GRIA1: variants seen among roughly 807,000 people sequenced by gnomAD.
GRIA1 encodes the protein glutamate receptor 1.
GRIA1 carries 31 observed loss-of-function variants against 99.2 expected under a neutral mutation model. The ratio of observed to expected loss-of-function variants is 0.31; its 90% CI spans 0.23 to 0.42. GRIA1 has a LOEUF of 0.42. Ranked by LOEUF, GRIA1 falls within the 10% of genes least tolerant of loss-of-function variation. The probability of loss-of-function intolerance (pLI) is 1.00; values close to 1 mark genes in which losing one functional copy is unlikely to be tolerated. For synonymous variants in GRIA1, 438 were observed against 432.4 expected, an observed-to-expected ratio of 1.01 and a Z score of -0.16; for missense variants, 782 against 1,157.5, an observed-to-expected ratio of 0.68 and a Z score of 4.71.
In GRIA1 at chr5:153,811,248, G is replaced by A. The variant is rs767220209; in HGVS notation, c.*23G>A. 1.3e-6 allele frequency: 2 copies of A among 1,594,862 alleles called. No homozygotes were observed. The highest frequency in any genetic ancestry group is 3.3e-5 in the Admixed American group (2 of 59,906). On this transcript the variant is annotated 3_prime_UTR_variant, in exon 16 of 16. Coordinates refer to ENST00000285900, the MANE Select transcript of GRIA1 (RefSeq NM_000827.4). ...TAACTGGAGCAGATGGAGACCCCTTGGGGAGCAGGCTCGGGCTCCCCAGCC... is the reference window on the plus strand; with the variant it reads ...TAACTGGAGCAGATGGAGACCCCTTAGGGAGCAGGCTCGGGCTCCCCAGCC...
At chr5:153,752,546 G>A (rs1446580710) in intron 11 of GRIA1, among the ~76,000 whole-genome samples, 2 of 152,288 alleles carry the variant, frequency 1.3e-5, no homozygotes, top group East Asian at 3.9e-4. Context: ...AATCCATGGT[G>A]TCTAACATTA....
chr5:153,492,426 C>A (rs1754010287), intron 1 of GRIA1: 2 of 986,846 alleles, frequency 2.0e-6, no homozygotes, highest in Non-Finnish European at 1.4e-6. Context: ...CTTTCTCTTT[C>A]ATTCATTGCA....
chr5:153,531,417 C>A (rs1480303406), intron 2 of GRIA1, among the ~76,000 whole-genome samples: 1 of 152,116 alleles, frequency 6.6e-6, no homozygotes, highest in Admixed American at 6.5e-5. Flanking sequence ...AAGTCCAACC[C>A]CAAACCTCTC....
At chr5:153,595,030 C>T (rs917805802) in intron 2 of GRIA1, among the ~76,000 whole-genome samples, 5 of 152,132 alleles carry the variant, frequency 3.3e-5, no homozygotes, top group Non-Finnish European at 7.4e-5. Context: ...CTTCACCTTG[C>T]TAAGTCAGTT....
chr5:153,718,840 T>G (rs1394890186), intron 11 of GRIA1, among the ~76,000 whole-genome samples: 1 of 152,168 alleles, frequency 6.6e-6, no homozygotes, highest in African/African-American at 2.4e-5. Flanking sequence ...CAGAGGCTAT[T>G]TCCAGCAGGA....
chr5:153,656,446 A>C (rs1581413881), intron 5 of GRIA1, among the ~76,000 whole-genome samples: 2 of 144,198 alleles, frequency 1.4e-5, no homozygotes, highest in Middle Eastern at 7.6e-3. Context: ...CATTGTATTG[A>C]GTGCTACTGT....
intron 11 of GRIA1, among the ~76,000 whole-genome samples, chr5:153,742,129 G>A (rs1275112529): frequency 3.9e-5 from 6 of 152,122 alleles, no homozygotes; most frequent in Non-Finnish European, 5.9e-5. Flanking sequence ...TGTTGCTTTA[G>A]AAGAGATTGC....
intron 15 of GRIA1, among the ~76,000 whole-genome samples, chr5:153,804,737 ATTTATTTATTT>A (rs1561874930): frequency 1.9e-4 from 7 of 37,738 alleles, no homozygotes; most frequent in East Asian, 3.2e-3. Context: ...TAATTAATTT[ATTTATTTATTT>A]ATTTATTTAT....
chr5:153,770,820 T>C (rs952813623), intron 13 of GRIA1, among the ~76,000 whole-genome samples: 1 of 152,348 alleles, frequency 6.6e-6, no homozygotes, highest in African/African-American at 2.4e-5. Flanking sequence ...ATAATGTTTG[T>C]CTCAAAAGAA....
At chr5:153,560,455 C>A (rs748252867) in intron 2 of GRIA1, among the ~76,000 whole-genome samples, 1 of 152,124 alleles carries the variant, frequency 6.6e-6, no homozygotes, top group Non-Finnish European at 1.5e-5. Flanking sequence ...ATAACCCCCA[C>A]GTGTCAAGGG....
intron 11 of GRIA1, among the ~76,000 whole-genome samples, chr5:153,719,219 A>C (rs1759877245): frequency 6.6e-6 from 1 of 152,148 alleles, no homozygotes; most frequent in Admixed American, 6.5e-5. Context: ...TCTGCCTCTT[A>C]CACTAATTTT....
intron 11 of GRIA1, among the ~76,000 whole-genome samples, chr5:153,734,752 C>T (rs2149564225): frequency 6.6e-6 from 1 of 152,250 alleles, no homozygotes; most frequent in Admixed American, 6.5e-5. Flanking sequence ...TGCATTTAAC[C>T]TAGGACTAGA....
intron 2 of GRIA1, among the ~76,000 whole-genome samples, chr5:153,562,902 G>C (rs975820028): frequency 7.2e-5 from 11 of 152,142 alleles, no homozygotes; most frequent in Non-Finnish European, 1.5e-4. Context: ...TTGCGGCCAG[G>C]CACGGTGGCT....
intron 2 of GRIA1, among the ~76,000 whole-genome samples, chr5:153,513,486 G>C (rs376488057): frequency 2.0e-5 from 3 of 152,324 alleles, no homozygotes; most frequent in African/African-American, 7.2e-5. Context: ...AAAAAGGCTT[G>C]ATTTTTTGAC....
chr5:153,524,791 T>G (rs1378564106), intron 2 of GRIA1, among the ~76,000 whole-genome samples: 1 of 152,168 alleles, frequency 6.6e-6, no homozygotes, highest in African/African-American at 2.4e-5. Flanking sequence ...GTTGATGCAT[T>G]GAAAAATACA....
At chr5:153,692,208 G>T (rs549775271) in intron 8 of GRIA1, among the ~76,000 whole-genome samples, 14 of 152,266 alleles carry the variant, frequency 9.2e-5, no homozygotes, top group Admixed American at 7.8e-4. Flanking sequence ...CCTTGACCAA[G>T]CACTTTTAAA....
intron 5 of GRIA1, among the ~76,000 whole-genome samples, chr5:153,667,176 T>C (rs1047701008): frequency 2.0e-5 from 3 of 152,136 alleles, no homozygotes; most frequent in Admixed American, 6.6e-5. Context: ...CTCCTGTGGA[T>C]CTCAAGGGGA....
intron 2 of GRIA1, among the ~76,000 whole-genome samples, chr5:153,573,726 C>T (rs59796503): frequency 0.097 from 14,707 of 152,208 alleles, 785 homozygotes; most frequent in South Asian, 0.19. Context: ...GAATAAGACA[C>T]ATTTTCTGTA....
chr5:153,777,438 T>C (rs1020236604), intron 13 of GRIA1, among the ~76,000 whole-genome samples: 5 of 152,168 alleles, frequency 3.3e-5, no homozygotes, highest in Non-Finnish European at 7.4e-5. Context: ...GGTAAGTCAC[T>C]AGAACTTCAT....
Sources: allele counts gnomAD v4.1 joint callset (sites outside exome capture counted in the v4.1 genomes callset), GRCh38; gene constraint gnomAD v4.1.1; transcripts MANE v1.5; gene names NCBI Gene and HGNC (gene_info 2026-07-23, HGNC 2026-07-21).